The following DKK3 variants were observed in gnomAD, a reference collection of about 807,000 sequenced individuals.
The protein encoded by DKK3 is dickkopf Wnt signaling pathway inhibitor 3.
DKK3 carries 22 observed loss-of-function variants against 33.2 expected under a neutral mutation model. That is an observed-to-expected ratio of 0.66 (90% CI 0.47 to 0.95). The LOEUF is 0.95. Among genes scored for constraint, DKK3 ranks in the 40% least tolerant of loss-of-function variants. The probability of loss-of-function intolerance (pLI) is 0.00; values close to 1 mark genes in which losing one functional copy is unlikely to be tolerated. For missense variants in DKK3, 398 were observed against 458.4 expected (o/e 0.87, Z 1.20); for synonymous variants, 194 against 188.8 (o/e 1.03, Z -0.23).
rs979008190 is a variant in DKK3, at chr11:11,963,750, A to C, written c.*714T>G. On this transcript the variant is annotated 3_prime_UTR_variant, in exon 7 of 7. Transcript: ENST00000683431. ...CTGAGCTTAGAGTCACAACCAGATG[A>C]AACTGCTCTGGTCTTCACTAGCTGT... 1.3e-5 allele frequency: 2 copies of C among 152,404 alleles called. No homozygotes were observed. The highest frequency in any genetic ancestry group is 2.9e-5 in the Non-Finnish European group (2 of 68,082). 9.4% of individuals were successfully genotyped at this position (152,404 alleles called of 1,614,324 possible). A position where few individuals can be genotyped will look rare whatever the true frequency, so the allele number is the denominator to read the frequency against.
chr11:12,001,493 A>G (rs950097855), intron 2 of DKK3, among the ~76,000 whole-genome samples: 5 of 152,232 alleles, frequency 3.3e-5, no homozygotes, highest in African/African-American at 1.2e-4. Flanking sequence ...CCTTGCATAC[A>G]GGAGTTGAGA....
intron 3 of DKK3, among the ~76,000 whole-genome samples, chr11:11,997,022 A>T (rs1397750230): frequency 6.6e-6 from 1 of 152,180 alleles, no homozygotes; most frequent in East Asian, 1.9e-4. Context: ...TCTCTTCCCC[A>T]TCCCACTCTC....
intron 3 of DKK3, chr11:11,979,967 G>T (rs1471515322): frequency 6.6e-6 from 1 of 152,298 alleles, no homozygotes; most frequent in Non-Finnish European, 1.5e-5. Flanking sequence ...CATCATAAAA[G>T]AATGTGACAA....
chr11:11,985,047 T>C (rs1848040308), intron 3 of DKK3, among the ~76,000 whole-genome samples: 1 of 152,178 alleles, frequency 6.6e-6, no homozygotes, highest in African/African-American at 2.4e-5. Context: ...AGAGGCCACG[T>C]CAAATTTTGC....
chr11:11,973,107 G>A (rs914116643), intron 3 of DKK3, among the ~76,000 whole-genome samples: 7 of 152,208 alleles, frequency 4.6e-5, no homozygotes, highest in Admixed American at 4.6e-4. Flanking sequence ...GGCTATGCCT[G>A]CAATCCATCA....
Position 11,963,187 on chromosome 11 carries a change from T to C in DKK3, c.*1277A>G, listed in dbSNP as rs1247343640. Reference sequence around the variant, plus strand: ...TTAAAACTCAAAGAAAGCATGCTTATACAATCATGTGCAACTTTAAACTTT... The same window carrying C: ...TTAAAACTCAAAGAAAGCATGCTTACACAATCATGTGCAACTTTAAACTTT... On this transcript the variant is annotated 3_prime_UTR_variant, in exon 7 of 7. Coordinates refer to ENST00000683431, the MANE Select transcript of DKK3 (RefSeq NM_001018057.2). 1 of 152,676 alleles carries C rather than the reference T, an allele frequency of 6.5e-6. No individual in the cohort carries two copies. The highest frequency in any genetic ancestry group is 1.5e-5 in the Non-Finnish European group (1 of 68,044). The allele number at this position is 152,676 out of a possible 1,614,324, so 9.5% of individuals were successfully genotyped here.
At chr11:11,999,141 G>T (rs1483723212) in intron 2 of DKK3, among the ~76,000 whole-genome samples, 1 of 152,124 alleles carries the variant, frequency 6.6e-6, no homozygotes, top group East Asian at 1.9e-4. Context: ...CTTTATTCTT[G>T]ACAAATTACA....
chr11:12,002,204 T>C, intron 2 of DKK3, 96 bp downstream of exon 2: 3 of 1,330,598 alleles, frequency 2.3e-6, no homozygotes, highest in Non-Finnish European at 3.0e-6. Context: ...TAGTTTGGGC[T>C]TGTATATCAC....
intron 3 of DKK3, among the ~76,000 whole-genome samples, chr11:11,986,846 C>T (rs905134339): frequency 5.3e-5 from 8 of 152,074 alleles, no homozygotes; most frequent in Non-Finnish European, 7.4e-5. Context: ...TTAGAAAACA[C>T]GTAAAACACT....
intron 3 of DKK3, among the ~76,000 whole-genome samples, chr11:11,989,429 T>C (rs1848141911): frequency 6.6e-6 from 1 of 152,198 alleles, no homozygotes; most frequent in Admixed American, 6.5e-5. Context: ...GAGACTCTGA[T>C]ACCTGCTACA....
At position 11,974,250 on chromosome 11, in the gene DKK3, C is replaced by T. The variant is rs573793053; in HGVS notation, c.436-5763G>A. Among the ~76,000 whole-genome samples, 4 of 152,378 alleles carry T rather than the reference C, an allele frequency of 2.6e-5. No homozygotes were observed. The South Asian group carries it at 6.2e-4, about 24-fold the overall frequency. ...GAGGACAAGAGTGAAGTTTAGAAAG[C>T]GCCAACCAGTTGCCTGCACATCCTT... On this transcript the variant is annotated intron_variant, in intron 3 of 6. Coordinates refer to ENST00000683431, the MANE Select transcript of DKK3 (RefSeq NM_001018057.2).
chr11:11,987,202 G>A (rs1457322364), intron 3 of DKK3, among the ~76,000 whole-genome samples: 1 of 152,142 alleles, frequency 6.6e-6, no homozygotes, highest in Admixed American at 6.5e-5. Context: ...CCCTGGGCCT[G>A]AGAACACCCT....
rs900661444 is a variant in DKK3 at position 12,008,475 on chromosome 11, C to T, written c.108G>A (p.Pro36=). ...CCTCCTCCTGCGGGTAGCTGAGAGC[C>T]GGGCCGGGCTTGACTGGAGCCGAGG... ...TATSAPVKPG[P]ALSYPQEEAT... is the part of the protein sequence containing the mutation. Residue 36 remains proline (P), a synonymous_variant, in exon 1 of 7, where the codon CCG becomes CCA. Coordinates refer to ENST00000683431, the MANE Select transcript of DKK3 (RefSeq NM_001018057.2). The surrounding 1 kb of genome is among the most constrained non-coding windows in gnomAD (Gnocchi z 4.6). The T allele has an allele frequency of 6.2e-7, 1 of 1,607,162 alleles. No homozygotes were observed. Among genetic ancestry groups the T allele is most frequent in the Non-Finnish European group, 8.5e-7 (1 of 1,179,168 alleles).
intron 3 of DKK3, among the ~76,000 whole-genome samples, chr11:11,977,128 C>T (rs1847850525): frequency 6.6e-6 from 1 of 152,148 alleles, no homozygotes; most frequent in Non-Finnish European, 1.5e-5. Flanking sequence ...AATTTTCTTC[C>T]CCCAAGTCAC....
intron 3 of DKK3, among the ~76,000 whole-genome samples, chr11:11,971,784 C>T (rs1036054863): frequency 3.9e-5 from 6 of 152,174 alleles, no homozygotes; most frequent in Non-Finnish European, 8.8e-5. Context: ...GGCTCCTATG[C>T]ATGACAAAGC....
Position 11,965,836 on chromosome 11 carries a change from G to A in DKK3, c.803C>T (p.Ala268Val). 6.2e-7 allele frequency: 1 copy of A among 1,614,118 alleles called. No individual in the cohort carries two copies. ...PDGALDRCPC[A>V]SGLLCQPHSH... ...GTGGGGCTGGCAGAGGAGGCCACTGGCACAAGGGCATCGGTCCAAGGCTCC... is the reference window on the plus strand; with the variant it reads ...GTGGGGCTGGCAGAGGAGGCCACTGACACAAGGGCATCGGTCCAAGGCTCC... Residue 268 changes from alanine (A) to valine (V), a missense_variant, in exon 6 of 7, where the codon GCC becomes GTC. By Grantham distance (64) the Ala-to-Val change is moderately conservative. Transcript: ENST00000683431.
At chr11:11,994,107 CA>C (rs774773660) in intron 3 of DKK3, among the ~76,000 whole-genome samples, 1 of 152,166 alleles carries the variant, frequency 6.6e-6, no homozygotes, top group Non-Finnish European at 1.5e-5. Context: ...CCCGAGGCTA[CA>C]AATGTCAGAG....
chr11:11,998,594 C>T (rs908503036), intron 3 of DKK3, 102 bp downstream of exon 3: 8 of 1,006,652 alleles, frequency 7.9e-6, no homozygotes. Flanking sequence ...GGAGACTCCA[C>T]TCCCTCCTGC....
chr11:11,970,703 G>A (rs761019578), intron 3 of DKK3, among the ~76,000 whole-genome samples: 5 of 152,210 alleles, frequency 3.3e-5, no homozygotes, highest in Admixed American at 6.5e-5. Context: ...AAGAGACAGT[G>A]TCAGAGTGAT....
Sources: allele counts gnomAD v4.1 joint callset (sites outside exome capture counted in the v4.1 genomes callset), GRCh38; gene constraint gnomAD v4.1.1; non-coding constraint Gnocchi (gnomAD v3.1); transcripts MANE v1.5; gene names NCBI Gene and HGNC (gene_info 2026-07-23, HGNC 2026-07-21).